Variants in SPON1 observed in about 807,000 individuals in gnomAD.
SPON1 encodes spondin-1.
A neutral mutation model predicts 111.7 loss-of-function variants in SPON1; 52 were observed. The observed-to-expected ratio is 0.47, with a 90% CI of 0.37 to 0.59. The LOEUF (loss-of-function observed/expected upper bound fraction) is 0.59. SPON1 is among the 20% of genes least tolerant of loss of function. The probability of loss-of-function intolerance (pLI) is 0.00; values close to 1 mark genes in which losing one functional copy is unlikely to be tolerated. For synonymous variants in SPON1, 410 were observed against 395.8 expected, an observed-to-expected ratio of 1.04 and a Z score of -0.43; for missense variants, 957 against 1,068.5, an observed-to-expected ratio of 0.90 and a Z score of 1.46.
Position 14,161,201 on chromosome 11 carries a change from T to TTATATATTTATATATATCTA in SPON1, c.825+25649_825+25668dup, listed in dbSNP as rs1564920114. On this transcript the variant is annotated intron_variant, in intron 6 of 15. Coordinates refer to ENST00000576479, the MANE Select transcript of SPON1 (RefSeq NM_006108.4). ...TATATATTTATATATCTATATATAT[T>TTATATATTTATATATATCTA]TATATATTTATATATATCTATATAT... Among the ~76,000 whole-genome samples, 79 of 28,656 alleles carry TTATATATTTATATATATCTA rather than the reference T, an allele frequency of 2.8e-3. 7 individuals are homozygous for TTATATATTTATATATATCTA. Among genetic ancestry groups the TTATATATTTATATATATCTA allele is most frequent in the African/African-American group, 6.6e-3 (70 of 10,612 alleles). 18.8% of individuals were successfully genotyped at this position (28,656 alleles called of 152,430 possible).
chr11:14,153,297 G>A (rs555792489), intron 6 of SPON1, among the ~76,000 whole-genome samples: 124 of 152,174 alleles, frequency 8.1e-4, no homozygotes, highest in East Asian at 5.2e-3. Flanking sequence ...CCTGAGACTT[G>A]GTAACTTATA....
chr11:14,152,305 T>C (rs1847797540), intron 6 of SPON1, among the ~76,000 whole-genome samples: 1 of 152,220 alleles, frequency 6.6e-6, no homozygotes, highest in African/African-American at 2.4e-5. Flanking sequence ...CTACAACCTA[T>C]TTCCCAACAG....
intron 6 of SPON1, among the ~76,000 whole-genome samples, chr11:14,145,440 A>G (rs921899206): frequency 6.6e-6 from 1 of 152,232 alleles, no homozygotes; most frequent in African/African-American, 2.4e-5. Context: ...CTGAGCCAAA[A>G]TATTGCAAAT....
At chr11:14,145,356 G>A (rs1198389895) in intron 6 of SPON1, among the ~76,000 whole-genome samples, 8 of 152,190 alleles carry the variant, frequency 5.3e-5, no homozygotes, top group African/African-American at 1.9e-4. Flanking sequence ...ATCTCTGTAT[G>A]AGAGAAATGT....
At chr11:14,162,519 A>G (rs563855051) in intron 6 of SPON1, among the ~76,000 whole-genome samples, 2 of 152,250 alleles carry the variant, frequency 1.3e-5, no homozygotes, top group Non-Finnish European at 2.9e-5. Flanking sequence ...ATCTGTACTT[A>G]AAGATACTTG....
intron 14 of SPON1, 106 bp from the exon 15 acceptor site, chr11:14,262,606 C>A: frequency 7.1e-7 from 1 of 1,410,960 alleles, no homozygotes; most frequent in South Asian, 1.3e-5. Context: ...CATGACACAG[C>A]ACCTGCTTTG....
intron 6 of SPON1, among the ~76,000 whole-genome samples, chr11:14,148,506 C>G (rs1470483194): frequency 2.0e-5 from 3 of 152,126 alleles, no homozygotes; most frequent in Admixed American, 2.0e-4. Context: ...CCAACAAACA[C>G]CCAAGCTTAG....
intron 2 of SPON1, among the ~76,000 whole-genome samples, chr11:14,021,119 C>G (rs1554914765): frequency 6.6e-6 from 1 of 152,088 alleles, no homozygotes; most frequent in Non-Finnish European, 1.5e-5. Flanking sequence ...GCACAATTCA[C>G]TTTCTACTTT....
chr11:14,166,910 C>A (rs1054732345), intron 6 of SPON1, among the ~76,000 whole-genome samples: 4 of 152,040 alleles, frequency 2.6e-5, no homozygotes, highest in African/African-American at 9.7e-5. Context: ...CATTATAAAA[C>A]CATCTTTTAA....
At chr11:14,098,650 GGC>G (rs1175192658) in intron 5 of SPON1, among the ~76,000 whole-genome samples, 1 of 57,444 alleles carries the variant, frequency 1.7e-5, no homozygotes, top group Non-Finnish European at 3.5e-5. Flanking sequence ...TGATATGAAA[GGC>G]AGAGAGAGAG....
intron 3 of SPON1, among the ~76,000 whole-genome samples, chr11:14,070,899 A>C (rs1443351678): frequency 6.6e-6 from 1 of 152,168 alleles, no homozygotes. Flanking sequence ...TTGAAAAGAA[A>C]ACTTTTGAAA....
At chr11:14,037,463 T>C (rs1309651406) in intron 2 of SPON1, among the ~76,000 whole-genome samples, 2 of 149,498 alleles carry the variant, frequency 1.3e-5, no homozygotes, top group East Asian at 4.0e-4. Flanking sequence ...GGAGCAAAGG[T>C]AATATAATAG....
intron 2 of SPON1, among the ~76,000 whole-genome samples, chr11:14,022,041 GC>G (rs1280767022): frequency 5.3e-5 from 8 of 152,196 alleles, no homozygotes; most frequent in African/African-American, 1.9e-4. Context: ...CAGAAAGAGA[GC>G]CCAGTGAGGG....
intron 7 of SPON1, among the ~76,000 whole-genome samples, chr11:14,249,583 A>AC (rs1342058298): frequency 6.6e-6 from 1 of 152,012 alleles, no homozygotes; most frequent in African/African-American, 2.4e-5. Flanking sequence ...ATTATTGAAA[A>AC]CTCAGGATGA....
At chr11:14,240,120 G>A (rs904980242) in intron 6 of SPON1, among the ~76,000 whole-genome samples, 1 of 152,144 alleles carries the variant, frequency 6.6e-6, no homozygotes, top group South Asian at 2.1e-4. Context: ...ATCAATTAGA[G>A]AACATCCCCT....
chr11:14,045,736 T>C (rs1848663908), intron 3 of SPON1, among the ~76,000 whole-genome samples: 1 of 151,198 alleles, frequency 6.6e-6, no homozygotes, highest in Non-Finnish European at 1.5e-5. Flanking sequence ...AACATATTTA[T>C]GTTTAAAATT....
intron 7 of SPON1, 57 bp from the exon 8 acceptor site, chr11:14,254,471 A>G (rs1427024583): frequency 9.0e-6 from 13 of 1,451,328 alleles, no homozygotes; most frequent in Admixed American, 6.5e-5. Context: ...GATTTCCCTC[A>G]GAGTGAGGAC....
intron 3 of SPON1, among the ~76,000 whole-genome samples, chr11:14,051,420 C>T (rs1554918572): frequency 6.6e-6 from 1 of 151,980 alleles, no homozygotes; most frequent in Non-Finnish European, 1.5e-5. Context: ...CCTATAGTCC[C>T]AGCTACTCAG....
chr11:14,087,756 A>C (rs1181878751), intron 5 of SPON1, among the ~76,000 whole-genome samples: 3 of 152,146 alleles, frequency 2.0e-5, no homozygotes, highest in Non-Finnish European at 2.9e-5. Flanking sequence ...ATTTCCCACT[A>C]TTATTCTGTA....
Sources: gnomAD v4.1 joint callset for allele counts (sites outside exome capture counted in the v4.1 genomes callset) on GRCh38, gnomAD v4.1.1 for gene constraint, MANE v1.5 for transcripts, NCBI Gene and HGNC (gene_info 2026-07-23, HGNC 2026-07-21) for gene names.